The following DPP6 variants were observed in gnomAD, a reference collection of about 807,000 sequenced individuals.
DPP6 encodes A-type potassium channel modulatory protein DPP6.
In DPP6, 69 loss-of-function variants were observed where a neutral mutation model predicts 122.6. That is an observed-to-expected ratio of 0.56 (90% CI 0.46 to 0.69). The LOEUF (loss-of-function observed/expected upper bound fraction) is 0.69. Ranked by LOEUF, DPP6 falls within the 30% of genes least tolerant of loss-of-function variation. The pLI is 0.00. For missense variants in DPP6, 928 were observed against 1,116.9 expected (o/e 0.83, Z 2.41); for synonymous variants, 418 against 433.1 (o/e 0.97, Z 0.43).
chr7:154,556,836 A>G (rs896245521), intron 4 of DPP6, among the ~76,000 whole-genome samples: 4 of 152,198 alleles, frequency 2.6e-5, no homozygotes, highest in African/African-American at 9.7e-5. Flanking sequence ...GAACAAAAAT[A>G]TTTTAGAATT....
chr7:153,829,510 G>C, the DPP6 span, among the ~76,000 whole-genome samples: 3 of 152,030 alleles, frequency 2.0e-5, no homozygotes, highest in Non-Finnish European at 4.4e-5. Context: ...CACCACGCCC[G>C]GCCTGTCCTC....
intron 1 of DPP6, among the ~76,000 whole-genome samples, chr7:154,405,037 G>A (rs2151193948): frequency 6.6e-6 from 1 of 152,112 alleles, no homozygotes; most frequent in South Asian, 2.1e-4. Context: ...ATATGTGTGT[G>A]TACACATATA....
At chr7:154,097,151 T>C (rs1805384300) in intron 1 of DPP6, among the ~76,000 whole-genome samples, 1 of 152,194 alleles carries the variant, frequency 6.6e-6, no homozygotes, top group Admixed American at 6.5e-5. Context: ...TGTGAGTCAC[T>C]CCCTTTGCTG....
intron 1 of DPP6, among the ~76,000 whole-genome samples, chr7:153,956,774 A>C (rs373603410): frequency 6.6e-6 from 1 of 152,300 alleles, no homozygotes; most frequent in African/African-American, 2.4e-5. Context: ...GCCTCAGCAC[A>C]CAGTGCAACA....
chr7:153,825,713 C>T, the DPP6 span, among the ~76,000 whole-genome samples: 1 of 152,146 alleles, frequency 6.6e-6, no homozygotes, highest in Non-Finnish European at 1.5e-5. Context: ...GTGCACACCA[C>T]AACGCCCGGC....
chr7:154,258,788 A>G (rs569721075), intron 1 of DPP6, among the ~76,000 whole-genome samples: 5 of 152,368 alleles, frequency 3.3e-5, no homozygotes, highest in Admixed American at 2.6e-4. Flanking sequence ...TAAAAACACA[A>G]CAGTAATGAG....
the DPP6 span, among the ~76,000 whole-genome samples, chr7:153,819,517 C>T: frequency 6.6e-6 from 1 of 152,032 alleles, no homozygotes; most frequent in Non-Finnish European, 1.5e-5. Flanking sequence ...GGGTGACAGC[C>T]AAGTTTGCAT....
At chr7:153,850,421 C>T in the DPP6 span, among the ~76,000 whole-genome samples, 13 of 152,210 alleles carry the variant, frequency 8.5e-5, no homozygotes, top group Non-Finnish European at 1.9e-4. Context: ...AGCAAGGGAG[C>T]GAGTCTACTG....
chr7:153,843,909 AC>A, the DPP6 span, among the ~76,000 whole-genome samples: 1 of 152,108 alleles, frequency 6.6e-6, no homozygotes, highest in Non-Finnish European at 1.5e-5. Context: ...GTATGCCTTA[AC>A]CCTAAAGAGG....
At chr7:153,885,109 C>T (rs1195483975), upstream of DPP6, among the ~76,000 whole-genome samples, 2 of 78,562 alleles carry the variant, frequency 2.5e-5, no homozygotes, top group Admixed American at 1.2e-4. Context: ...GAGGCCCATG[C>T]TTGGTGGGAA....
chr7:154,520,953 G>T (rs1400961867), intron 3 of DPP6, among the ~76,000 whole-genome samples: 1 of 152,152 alleles, frequency 6.6e-6, no homozygotes, highest in African/African-American at 2.4e-5. Flanking sequence ...TGAAGAAATA[G>T]CCAGTGATCT....
intron 11 of DPP6, 116 bp downstream of exon 11, chr7:154,794,318 C>T: frequency 7.3e-7 from 1 of 1,373,678 alleles, no homozygotes; most frequent in Non-Finnish European, 9.5e-7. Flanking sequence ...GACCGGCCGC[C>T]CAGCTGCTGC....
intron 1 of DPP6, among the ~76,000 whole-genome samples, chr7:154,330,124 A>G (rs1210261966): frequency 9.9e-5 from 15 of 152,220 alleles, no homozygotes; most frequent in Non-Finnish European, 2.1e-4. Flanking sequence ...GGTGCAGCAA[A>G]CCACCATGGC....
At chr7:153,940,318 T>A (rs1179194241) in intron 1 of DPP6, among the ~76,000 whole-genome samples, 1 of 152,146 alleles carries the variant, frequency 6.6e-6, no homozygotes, top group African/African-American at 2.4e-5. Context: ...CCCTCCGTTT[T>A]GGCTTTGGTG....
intron 1 of DPP6, among the ~76,000 whole-genome samples, chr7:154,275,479 A>G (rs1051841620): frequency 1.3e-5 from 2 of 152,234 alleles, no homozygotes; most frequent in African/African-American, 4.8e-5. Flanking sequence ...CTCTCCTTTA[A>G]GGATATCTCT....
chr7:154,107,642 A>T (rs1022520543), intron 1 of DPP6, among the ~76,000 whole-genome samples: 9 of 152,250 alleles, frequency 5.9e-5, no homozygotes, highest in African/African-American at 1.7e-4. Context: ...AGCATTCCAT[A>T]TGTGTATATG....
At chr7:154,104,096 A>ACGG (rs751428836) in intron 1 of DPP6, among the ~76,000 whole-genome samples, 1 of 152,098 alleles carries the variant, frequency 6.6e-6, no homozygotes, top group Non-Finnish European at 1.5e-5. Flanking sequence ...CCTGACCAAT[A>ACGG]CGGTTGCCCA....
chr7:154,845,792 T>A (rs1285692428), intron 16 of DPP6, among the ~76,000 whole-genome samples: 4 of 152,258 alleles, frequency 2.6e-5, no homozygotes, highest in Non-Finnish European at 5.9e-5. Flanking sequence ...GGAGAGCAAC[T>A]AGACAATATT....
intron 12 of DPP6, among the ~76,000 whole-genome samples, chr7:154,799,958 G>A (rs1000600473): frequency 3.9e-5 from 6 of 152,306 alleles, no homozygotes; most frequent in Admixed American, 1.3e-4. Context: ...ACATCACAAC[G>A]GTGGAGGCCT....
Sources: gnomAD v4.1 joint callset for allele counts (sites outside exome capture counted in the v4.1 genomes callset) on GRCh38, gnomAD v4.1.1 for gene constraint, MANE v1.5 for transcripts, NCBI Gene and HGNC (gene_info 2026-07-23, HGNC 2026-07-21) for gene names.